IKZF3: variants seen among roughly 807,000 people sequenced by gnomAD.
IKZF3 encodes zinc finger protein Aiolos.
In IKZF3, 10 loss-of-function variants were observed where a neutral mutation model predicts 49.0. That is an observed-to-expected ratio of 0.20 (90% confidence interval 0.13 to 0.35). The LOEUF is 0.35. IKZF3 is among the 10% of genes least tolerant of loss of function. IKZF3 has a pLI of 1.00. For missense variants in IKZF3, 498 were observed against 664.8 expected, an observed-to-expected ratio of 0.75 and a Z score of 2.76; for synonymous variants, 209 against 228.2, an observed-to-expected ratio of 0.92 and a Z score of 0.76.
At chr17:39,782,513 G>GA (rs908294219) in intron 6 of IKZF3, among the ~76,000 whole-genome samples, 4 of 151,416 alleles carry the variant, frequency 2.6e-5, no homozygotes, top group Non-Finnish European at 5.9e-5. Flanking sequence ...GCACTGAAAA[G>GA]AAAAAAAAGA....
chr17:39,829,526 G>A (rs143669790), intron 2 of IKZF3, 38 bp from the exon 3 acceptor site: 26,864 of 1,421,632 alleles, frequency 0.019, 508 homozygotes, highest in Non-Finnish European at 0.019. Flanking sequence ...GTGGTTCAAC[G>A]TTAAAGGATT....
At chr17:39,859,022 T>A (rs188877707) in intron 1 of IKZF3, among the ~76,000 whole-genome samples, 1 of 152,032 alleles carries the variant, frequency 6.6e-6, no homozygotes, top group Non-Finnish European at 1.5e-5. Flanking sequence ...TTGCCCAGGC[T>A]GGTCTCAAAT....
chr17:39,852,007 C>G (rs28673180), intron 1 of IKZF3, among the ~76,000 whole-genome samples: 1 of 152,220 alleles, frequency 6.6e-6, no homozygotes, highest in Admixed American at 6.5e-5. Context: ...TTAAAACTCA[C>G]GTGGTACAGA....
In IKZF3 at chr17:39,792,886, C is replaced by T. The variant is rs373110693; in HGVS notation, c.211G>A (p.Val71Ile). The T allele has an allele frequency of 6.2e-7, 1 of 1,613,958 alleles. No individual in the cohort carries two copies. The highest frequency in any genetic ancestry group is 1.3e-5 in the African/African-American group (1 of 75,040). ...KDEYSERDEN[V>I]LKSEPMGNAE... Reference sequence around the variant, plus strand: ...TTTCCCATGGGTTCTGACTTTAAAACATTCTCATCTCTTTCACTGTATTCA... The same window carrying T: ...TTTCCCATGGGTTCTGACTTTAAAATATTCTCATCTCTTTCACTGTATTCA... The change falls in exon 4 of 8, where the codon GTT becomes ATT. Residue 71 changes from valine to isoleucine, a missense_variant. This residue lies in a region of IKZF3 where 97 missense variants were observed against 98.9 expected (regional missense o/e 0.98). Coordinates refer to ENST00000346872, the MANE Select transcript of IKZF3 (RefSeq NM_012481.5).
chr17:39,850,560 T>G (rs573159800), intron 1 of IKZF3, among the ~76,000 whole-genome samples: 1 of 119,868 alleles, frequency 8.3e-6, no homozygotes, highest in Non-Finnish European at 1.7e-5. Flanking sequence ...ATATTATACA[T>G]GTACATATAG....
chr17:39,807,479 G>C (rs1373636788), intron 3 of IKZF3, among the ~76,000 whole-genome samples: 1 of 147,294 alleles, frequency 6.8e-6, no homozygotes, highest in Admixed American at 6.8e-5. Context: ...TCACTAGGCA[G>C]CCTCGACCTC....
intron 1 of IKZF3, among the ~76,000 whole-genome samples, chr17:39,859,634 C>T (rs1456194382): frequency 2.6e-5 from 4 of 152,114 alleles, no homozygotes. Flanking sequence ...AGCAATCTGC[C>T]CGCCTCAGCC....
intron 1 of IKZF3, among the ~76,000 whole-genome samples, chr17:39,858,811 T>C (rs1204787809): frequency 6.6e-6 from 1 of 152,044 alleles, no homozygotes; most frequent in East Asian, 1.9e-4. Context: ...TTTTTTGTTG[T>C]TGTTGTTGAG....
chr17:39,824,393 G>C (rs919049967), intron 3 of IKZF3, among the ~76,000 whole-genome samples: 1 of 152,170 alleles, frequency 6.6e-6, no homozygotes, highest in Non-Finnish European at 1.5e-5. Context: ...TGTCTCAGAT[G>C]AGACTTTGGA....
At chr17:39,835,593 G>A in intron 1 of IKZF3, 1 of 436,516 alleles carries the variant, frequency 2.3e-6, no homozygotes. Flanking sequence ...GCTGCGGTTG[G>A]CGATCTTCTC....
chr17:39,796,542 CTTTT>C (rs1224946640), intron 3 of IKZF3, among the ~76,000 whole-genome samples: 2 of 135,026 alleles, frequency 1.5e-5, no homozygotes, highest in South Asian at 2.4e-4. Flanking sequence ...ACATTCCTTT[CTTTT>C]TTTTTTTTTT....
chr17:39,763,399 T>C lies in IKZF3; in HGVS notation c.*2391A>G, dbSNP rs1466152626. Reference sequence around the variant, plus strand: ...TTGGGATTCTTGGCTCTGGTAGAAATGTTACAAATTAAGCTGACTCTTAAT... The same window carrying C: ...TTGGGATTCTTGGCTCTGGTAGAAACGTTACAAATTAAGCTGACTCTTAAT... On this transcript the variant is annotated 3_prime_UTR_variant, in exon 8 of 8. Transcript: ENST00000346872. 1 of 152,106 alleles carries C rather than the reference T, an allele frequency of 6.6e-6. No individual in the cohort carries two copies. The highest frequency in any genetic ancestry group is 2.4e-5 in the African/African-American group (1 of 41,416). The allele number at this position is 152,106 out of a possible 1,614,324, so 9.4% of individuals were successfully genotyped here. A position where few individuals can be genotyped will look rare whatever the true frequency, so the allele number is the denominator to read the frequency against.
At chr17:39,842,880 T>A (rs895392420) in intron 1 of IKZF3, among the ~76,000 whole-genome samples, 1 of 152,220 alleles carries the variant, frequency 6.6e-6, no homozygotes, top group African/African-American at 2.4e-5. Flanking sequence ...GTGGTCATCA[T>A]CAGTAATGGG....
In IKZF3 at chr17:39,777,715, G is replaced by A. The variant is rs781038555; in HGVS notation, c.762C>T (p.Leu254=). 3.7e-6 allele frequency: 6 copies of A among 1,613,630 alleles called. No individual in the cohort carries two copies. Among genetic ancestry groups the A allele is most frequent in the Non-Finnish European group, 5.1e-6 (6 of 1,179,876 alleles). Residue 254 remains leucine (L), a synonymous_variant, in exon 7 of 8, where the codon CTC becomes CTT. Coordinates refer to ENST00000346872, the MANE Select transcript of IKZF3 (RefSeq NM_012481.5). ...CATTGCTTGCTAATCTGTCCAGTAC[G>A]AGAGCTCTTTCACTTCCCATCTCTG... ...IKAEMGSERA[L]VLDRLASNVA...
intron 3 of IKZF3, among the ~76,000 whole-genome samples, chr17:39,827,197 C>T (rs2061980379): frequency 6.6e-6 from 1 of 151,788 alleles, no homozygotes. Context: ...GGGGTTTAAC[C>T]AGTTGGTCAG....
intron 4 of IKZF3, 66 bp downstream of exon 4, chr17:39,792,607 C>T (rs994306499): frequency 5.3e-6 from 8 of 1,514,586 alleles, no homozygotes; most frequent in African/African-American, 2.8e-5. Context: ...CAAATTCCAC[C>T]ACTTCATTTC....
intron 7 of IKZF3, among the ~76,000 whole-genome samples, chr17:39,766,707 G>T (rs946071365): frequency 2.6e-5 from 4 of 152,188 alleles, no homozygotes; most frequent in African/African-American, 7.2e-5. Flanking sequence ...GCAGGCAGAA[G>T]AGAGGGGCAG....
At chr17:39,853,490 T>G (rs1384763009) in intron 1 of IKZF3, among the ~76,000 whole-genome samples, 1 of 152,198 alleles carries the variant, frequency 6.6e-6, no homozygotes. Flanking sequence ...TGATAGGTTT[T>G]GCTGATACTG....
intron 1 of IKZF3, among the ~76,000 whole-genome samples, chr17:39,843,453 A>C (rs561753243): frequency 6.0e-4 from 92 of 152,240 alleles, no homozygotes; most frequent in African/African-American, 1.5e-3. Flanking sequence ...AAAAAAAGAA[A>C]GAACGAAAAC....
Sources: gnomAD v4.1 joint callset for allele counts (sites outside exome capture counted in the v4.1 genomes callset) on GRCh38, gnomAD v4.1.1 for gene constraint, gnomAD v4.1.1 regional missense constraint, MANE v1.5 for transcripts, NCBI Gene and HGNC (gene_info 2026-07-23, HGNC 2026-07-21) for gene names.